The following LDLRAD3 variants were observed in gnomAD, a reference collection of about 807,000 sequenced individuals.
LDLRAD3 encodes low density lipoprotein receptor class A domain containing 3.
Under a neutral mutation model 29.4 loss-of-function variants are expected in LDLRAD3, and 20 were observed. The ratio of observed to expected loss-of-function variants is 0.68; its 90% CI spans 0.48 to 0.99. LDLRAD3 has a LOEUF of 0.99. LDLRAD3 is among the 50% of genes least tolerant of loss of function. LDLRAD3 has a pLI of 0.00. For synonymous variants in LDLRAD3, 157 were observed against 192.7 expected (o/e 0.81, Z 1.53); for missense variants, 420 against 454.3 (o/e 0.92, Z 0.69).
Position 36,231,278 on chromosome 11 carries a change from ATTTTG to A in LDLRAD3, c.*1890_*1894del, listed in dbSNP as rs1042096678. ...TGTTACAGAAAAGCTAGCCACTGGT[ATTTTG>A]TTTTGTTTAAAAAAAAAAAGAAAGA... is the stretch of plus-strand genomic sequence containing the variant. On this transcript the variant is annotated 3_prime_UTR_variant, in exon 6 of 6. Coordinates refer to ENST00000315571, the MANE Select transcript of LDLRAD3 (RefSeq NM_174902.4). The A allele has an allele frequency of 4.0e-5, 6 of 151,778 alleles. No individual in the cohort carries two copies. The highest frequency in any genetic ancestry group is 8.8e-5 in the Non-Finnish European group (6 of 67,948). 9.4% of individuals were successfully genotyped at this position (151,778 alleles called of 1,614,324 possible).
chr11:36,199,837 T>C (rs921229053), intron 4 of LDLRAD3, among the ~76,000 whole-genome samples: 5 of 152,218 alleles, frequency 3.3e-5, no homozygotes, highest in Admixed American at 2.6e-4. Context: ...AACTGTGGAA[T>C]GATCTCACAG....
chr11:36,076,214 GTCCATCCGTCCATCCA>G (rs1852997271), intron 2 of LDLRAD3, among the ~76,000 whole-genome samples: 2 of 107,416 alleles, frequency 1.9e-5, no homozygotes, highest in South Asian at 3.6e-4. Context: ...TTGTCTGTCT[GTCCATCCGTCCATCCA>G]TCCATCCATC....
rs1855568882 is a variant in LDLRAD3, at chr11:36,231,033, T to C, written c.*1636T>C. 1 of 152,614 alleles carries C rather than the reference T, an allele frequency of 6.6e-6. No homozygotes were observed. Among genetic ancestry groups the C allele is most frequent in the Non-Finnish European group, 1.5e-5 (1 of 68,054 alleles). The allele number at this position is 152,614 out of a possible 1,614,324, so 9.5% of individuals were successfully genotyped here. ...AAGGGGTAAAACGTTAGGTGTTGTT[T>C]GGCAAGAAACCACACTGACTGATGA... is the stretch of plus-strand genomic sequence containing the variant. On this transcript the variant is annotated 3_prime_UTR_variant, in exon 6 of 6. Coordinates refer to ENST00000315571, the MANE Select transcript of LDLRAD3 (RefSeq NM_174902.4).
chr11:35,964,676 G>C (rs919742163), intron 1 of LDLRAD3, among the ~76,000 whole-genome samples: 1 of 152,172 alleles, frequency 6.6e-6, no homozygotes, highest in Non-Finnish European at 1.5e-5. Context: ...AATGGTGAGA[G>C]TAGAAGCTGG....
intron 4 of LDLRAD3, among the ~76,000 whole-genome samples, chr11:36,168,021 T>C (rs1368152192): frequency 6.6e-6 from 1 of 152,020 alleles, no homozygotes; most frequent in Non-Finnish European, 1.5e-5. Context: ...GACTCCCGAG[T>C]TGGTCTGAAA....
Position 36,019,318 on chromosome 11 carries a change from T to C in LDLRAD3, c.47-16785T>C, listed in dbSNP as rs544449835. On this transcript the variant is annotated intron_variant, in intron 1 of 5. Transcript: ENST00000315571. ...ATGTTGTTAGCATAAAGGCACTTGA[T>C]TGACAAAAGGAGAGACAGGGAGAGT... Among the ~76,000 whole-genome samples, 25 of 152,330 alleles carry C rather than the reference T, an allele frequency of 1.6e-4. 1 individual carries two copies. The South Asian group carries it at 3.9e-3, about 24-fold the overall frequency.
At chr11:36,135,374 T>A (rs1302309825) in intron 4 of LDLRAD3, among the ~76,000 whole-genome samples, 1 of 152,206 alleles carries the variant, frequency 6.6e-6, no homozygotes, top group Non-Finnish European at 1.5e-5. Context: ...GGAGAGTTGT[T>A]ATTTCTGGCC....
intron 2 of LDLRAD3, among the ~76,000 whole-genome samples, chr11:36,068,809 C>T (rs1469758948): frequency 2.0e-5 from 3 of 152,206 alleles, no homozygotes; most frequent in Non-Finnish European, 4.4e-5. Flanking sequence ...AGCCACCGCG[C>T]CCAGCCCAGA....
chr11:36,181,957 CCTTATCTCACAAT>C (rs1212128588), intron 4 of LDLRAD3, among the ~76,000 whole-genome samples: 2 of 151,804 alleles, frequency 1.3e-5, no homozygotes, highest in Non-Finnish European at 2.9e-5. Context: ...ATATGCACAT[CCTTATCTCACAAT>C]TGACCCAAAG....
chr11:36,127,908 C>T (rs1371281859), intron 4 of LDLRAD3, among the ~76,000 whole-genome samples: 1 of 151,676 alleles, frequency 6.6e-6, no homozygotes, highest in Non-Finnish European at 1.5e-5. Context: ...TTTACTTTCC[C>T]TGGGTCAAAG....
chr11:36,109,764 A>T (rs993151468), intron 4 of LDLRAD3, among the ~76,000 whole-genome samples: 1 of 151,614 alleles, frequency 6.6e-6, no homozygotes, highest in Non-Finnish European at 1.5e-5. Flanking sequence ...TTAAAAAAAA[A>T]TAGTCTGCGT....
rs1431235980 is a variant in LDLRAD3, at chr11:36,230,869, GTTA to G, written c.*1478_*1480del. 2 of 152,498 alleles carry G rather than the reference GTTA, an allele frequency of 1.3e-5. No individual in the cohort carries two copies. The highest frequency in any genetic ancestry group is 2.9e-5 in the Non-Finnish European group (2 of 68,030). 9.4% of individuals were successfully genotyped at this position (152,498 alleles called of 1,614,324 possible). Reference sequence around the variant, plus strand: ...CATTTGTGCATTGTTGCACTTTGAGGTTATTATTTATCAAGTTCTTGAAGGAAG... The same window carrying G: ...CATTTGTGCATTGTTGCACTTTGAGGTTATTTATCAAGTTCTTGAAGGAAG... On this transcript the variant is annotated 3_prime_UTR_variant, in exon 6 of 6. Transcript: ENST00000315571.
intron 4 of LDLRAD3, among the ~76,000 whole-genome samples, chr11:36,168,923 T>C (rs1305883869): frequency 2.6e-5 from 4 of 152,216 alleles, no homozygotes; most frequent in Non-Finnish European, 5.9e-5. Flanking sequence ...GCCCACATCA[T>C]GCTTTGAGCT....
intron 1 of LDLRAD3, among the ~76,000 whole-genome samples, chr11:35,992,995 G>A (rs144926138): frequency 6.6e-6 from 1 of 152,112 alleles, no homozygotes; most frequent in East Asian, 1.9e-4. Flanking sequence ...TTCTTTAAAA[G>A]TGTCTGGACA....
chr11:36,162,205 T>G (rs1854450553), intron 4 of LDLRAD3, among the ~76,000 whole-genome samples: 1 of 152,112 alleles, frequency 6.6e-6, no homozygotes, highest in Admixed American at 6.6e-5. Context: ...GGGAAAAAGT[T>G]GAGTTGGAGG....
At chr11:36,025,344 C>A (rs948670896) in intron 1 of LDLRAD3, among the ~76,000 whole-genome samples, 1 of 151,814 alleles carries the variant, frequency 6.6e-6, no homozygotes, top group African/African-American at 2.4e-5. Context: ...TGTGTGCCTG[C>A]ACCCAGTTCC....
chr11:36,039,671 TAG>T (rs1852355793), intron 2 of LDLRAD3, among the ~76,000 whole-genome samples: 1 of 152,228 alleles, frequency 6.6e-6, no homozygotes, highest in Admixed American at 6.5e-5. Context: ...TACTTAACAT[TAG>T]AGGCCCTTGG....
chr11:36,052,968 ATT>A (rs10711575), intron 2 of LDLRAD3, among the ~76,000 whole-genome samples: 12,455 of 147,164 alleles, frequency 0.085, 520 homozygotes, highest in East Asian at 0.12. Flanking sequence ...TTGAGGTCTG[ATT>A]TTTTTTTTTT....
chr11:36,134,233 T>C (rs1368581897), intron 4 of LDLRAD3, among the ~76,000 whole-genome samples: 1 of 152,164 alleles, frequency 6.6e-6, no homozygotes, highest in African/African-American at 2.4e-5. Flanking sequence ...GGGGATACAT[T>C]GAAATGCATT....
Sources: gnomAD v4.1 joint callset for allele counts (sites outside exome capture counted in the v4.1 genomes callset) on GRCh38, gnomAD v4.1.1 for gene constraint, MANE v1.5 for transcripts, NCBI Gene and HGNC (gene_info 2026-07-23, HGNC 2026-07-21) for gene names.